The following CCT6A variants were observed in gnomAD, a reference collection of about 807,000 sequenced individuals.
CCT6A encodes the protein T-complex protein 1 subunit zeta.
Under a neutral mutation model 58.6 loss-of-function variants are expected in CCT6A, and 6 were observed. The observed-to-expected ratio is 0.10, with a 90% CI of 0.06 to 0.20. The LOEUF is 0.20. CCT6A is among the 10% of genes least tolerant of loss of function. CCT6A has a pLI of 1.00. For synonymous variants in CCT6A, 245 were observed against 227.8 expected (o/e 1.08, Z -0.68); for missense variants, 516 against 648.8 (o/e 0.80, Z 2.22).
chr7:56,062,664 A>T lies in CCT6A; in HGVS notation c.1451-19A>T. 6.2e-7 allele frequency: 1 copy of T among 1,608,604 alleles called. No homozygotes were observed. The highest frequency in any genetic ancestry group is 8.5e-7 in the Non-Finnish European group (1 of 1,174,950). The stretch of plus-strand genomic sequence containing the variant: ...GTTCTTACTGACTGAACTTATTTTA[A>T]GATTTGGTTGCCTTTTAGGTGAGCC... On this transcript the variant is annotated intron_variant, in intron 12 of 13. Transcript: ENST00000275603.
At chr7:56,057,384 G>C (rs1794331743) in intron 5 of CCT6A, among the ~76,000 whole-genome samples, 1 of 152,046 alleles carries the variant, frequency 6.6e-6, no homozygotes, top group Non-Finnish European at 1.5e-5. Context: ...GTGTGTCTGT[G>C]TGGAGAATGG....
At chr7:56,055,887 A>G (rs1794294408) in intron 4 of CCT6A, 90 bp downstream of exon 4, 10 of 950,998 alleles carry the variant, frequency 1.1e-5, no homozygotes, top group South Asian at 1.6e-5. Context: ...ACCAATTTCA[A>G]TTACAAGGTG....
rs754563267 is a variant in CCT6A at position 56,063,096 on chromosome 7, C to T, written c.*11C>T. The T allele has an allele frequency of 1.0e-5, 16 of 1,564,380 alleles. No individual in the cohort carries two copies. Among genetic ancestry groups the T allele is most frequent in the African/African-American group, 1.4e-5 (1 of 73,934 alleles). On this transcript the variant is annotated 3_prime_UTR_variant, in exon 14 of 14. Coordinates refer to ENST00000275603, the MANE Select transcript of CCT6A (RefSeq NM_001762.4). ...TCTCTGAAAGGTTGAATTGAAGCTT[C>T]CTCTGTATCTGAATCTTGAAGACTG...
Position 56,063,541 on chromosome 7 carries a change from A to T in CCT6A, c.*456A>T, listed in dbSNP as rs111518089. On this transcript the variant is annotated 3_prime_UTR_variant, in exon 14 of 14. Coordinates refer to ENST00000275603, the MANE Select transcript of CCT6A (RefSeq NM_001762.4). ...TATTGAAAGCATCCCTGTTGGTATA[A>T]ATTTCTGAGTAAATGCATTGGATCA... is the stretch of plus-strand genomic sequence containing the variant. 2 of 173,352 alleles carry T rather than the reference A, an allele frequency of 1.2e-5. No homozygotes were observed. The highest frequency in any genetic ancestry group is 3.5e-4 in the East Asian group (2 of 5,652). 10.7% of individuals were successfully genotyped at this position (173,352 alleles called of 1,614,324 possible).
chr7:56,052,317 C>G, intron 1 of CCT6A, 105 bp from the exon 2 acceptor site: 1 of 981,178 alleles, frequency 1.0e-6, no homozygotes, highest in African/African-American at 1.6e-5. Context: ...ATAACTAGCC[C>G]CACATCCCTG....
At chr7:56,061,661 CTTTTTTCTTTTTTTT>C (rs1320575372) in intron 11 of CCT6A, 71 bp from the exon 12 acceptor site, 5 of 591,390 alleles carry the variant, frequency 8.5e-6, no homozygotes, top group Non-Finnish European at 1.3e-5. Context: ...TTTTCTTTTT[CTTTTTTCTTTTTTTT>C]TTTTTTTTTT....
chr7:56,056,048 C>G (rs1005934927), intron 4 of CCT6A, among the ~76,000 whole-genome samples: 6 of 151,996 alleles, frequency 3.9e-5, no homozygotes, highest in Non-Finnish European at 5.9e-5. Context: ...TATTAGAAAG[C>G]TTCCAGTTAC....
chr7:56,058,230 A>T, intron 6 of CCT6A, 127 bp downstream of exon 6: 1 of 864,576 alleles, frequency 1.2e-6, no homozygotes, highest in East Asian at 2.6e-5. Flanking sequence ...GAGCTATAGG[A>T]AACAGTCTCT....
rs570561146 is a variant in CCT6A, at chr7:56,052,805, TTTTA to T, written c.201+321_201+324del. Among the ~76,000 whole-genome samples the T allele has an allele frequency of 1.7e-3, 39 of 23,314 alleles. 1 individual carries two copies. Among genetic ancestry groups the T allele is most frequent in the Admixed American group, 0.015 (38 of 2,502 alleles). The allele number at this position is 23,314 out of a possible 152,430, so 15.3% of individuals were successfully genotyped here. On this transcript the variant is annotated intron_variant, in intron 2 of 13. Transcript: ENST00000275603. Reference sequence around the variant, plus strand: ...TTTCTTTTCTTTTCTTTTTTTTTTTTTTTAATTAGACGAAGTCTCGCTCTGTCGA... The same window carrying T: ...TTTCTTTTCTTTTCTTTTTTTTTTTTATTAGACGAAGTCTCGCTCTGTCGA...
chr7:56,058,188 G>C (rs1463980205), intron 6 of CCT6A, 85 bp downstream of exon 6: 1 of 954,426 alleles, frequency 1.0e-6, no homozygotes. Context: ...GTTTCCCACT[G>C]TAAGGACAAT....
At chr7:56,053,627 G>A (rs1226857315) in intron 2 of CCT6A, among the ~76,000 whole-genome samples, 1 of 152,048 alleles carries the variant, frequency 6.6e-6, no homozygotes, top group Non-Finnish European at 1.5e-5. Flanking sequence ...GGTCCTGCAC[G>A]CCTGTAGTCC....
At position 56,056,552 on chromosome 7, in the gene CCT6A, G is replaced by A. The variant is rs533141078; in HGVS notation, c.614+138G>A. 91 of 577,652 alleles carry A rather than the reference G, an allele frequency of 1.6e-4. 1 individual carries two copies. The highest frequency in any genetic ancestry group is 3.1e-4 in the Admixed American group (10 of 32,310). 35.8% of individuals were successfully genotyped at this position (577,652 alleles called of 1,614,324 possible). A position where few individuals can be genotyped will look rare whatever the true frequency, so the allele number is the denominator to read the frequency against. ...AGCCTGGCCAACATGGGGAAACCCC[G>A]TCTCTATTAAAATTACAAAAATTAA... On this transcript the variant is annotated intron_variant, in intron 5 of 13. Coordinates refer to ENST00000275603, the MANE Select transcript of CCT6A (RefSeq NM_001762.4).
intron 5 of CCT6A, 130 bp downstream of exon 5, chr7:56,056,544 GAAACCCCGTCTCTA>G: frequency 1.6e-6 from 1 of 613,432 alleles, no homozygotes; most frequent in Non-Finnish European, 3.0e-6. Context: ...CCAACATGGG[GAAACCCCGTCTCTA>G]TTAAAATTAC....
chr7:56,056,833 C>T (rs1287774501), intron 5 of CCT6A, among the ~76,000 whole-genome samples: 2 of 146,130 alleles, frequency 1.4e-5, no homozygotes, highest in East Asian at 2.0e-4. Context: ...CTTGCTCTGT[C>T]GCCCAGCCTG....
Position 56,058,420 on chromosome 7 carries a change from G to A in CCT6A, c.784G>A (p.Ala262Thr), listed in dbSNP as rs1247334235. Residue 262 changes from alanine (A) to threonine (T), a missense_variant, in exon 7 of 14, where the codon GCT (alanine) becomes ACT (threonine). Ala to Thr is a moderately conservative substitution (Grantham distance 58). This residue lies in a region of CCT6A where 315 missense variants were observed against 389.4 expected (regional missense o/e 0.81). Coordinates refer to ENST00000275603, the MANE Select transcript of CCT6A (RefSeq NM_001762.4). Reference sequence around the variant, plus strand: ...AGAAGAGAGAGAAAAACTCGTGAAAGCTGAAAGAAAATTCATTGAAGATAG... The same window carrying A: ...AGAAGAGAGAGAAAAACTCGTGAAAACTGAAAGAAAATTCATTGAAGATAG... ...SAEEREKLVKAERKFIEDRVK... is the reference protein window; with the variant it reads ...SAEEREKLVKTERKFIEDRVK... 6.2e-7 allele frequency: 1 copy of A among 1,604,762 alleles called. No individual in the cohort carries two copies. The highest frequency in any genetic ancestry group is 1.1e-5 in the South Asian group (1 of 88,750).
intron 10 of CCT6A, 58 bp from the exon 11 acceptor site, chr7:56,060,749 T>C: frequency 6.5e-7 from 1 of 1,548,476 alleles, no homozygotes; most frequent in Admixed American, 1.9e-5. Context: ...GTATATTTTG[T>C]TATTCATAAT....
chr7:56,057,769 T>C (rs1402593467), intron 5 of CCT6A, among the ~76,000 whole-genome samples: 1 of 152,134 alleles, frequency 6.6e-6, no homozygotes, highest in Admixed American at 6.6e-5. Context: ...TAGTCCCAGC[T>C]GCTTGAGAGG....
chr7:56,054,276 TAG>T, intron 2 of CCT6A, 91 bp from the exon 3 acceptor site: 1 of 1,030,828 alleles, frequency 9.7e-7, no homozygotes. Flanking sequence ...TTCAAGTAGA[TAG>T]CACTCAAAGA....
Position 56,051,924 on chromosome 7 carries a change from G to A in CCT6A, c.76G>A (p.Ala26Thr). Residue 26 changes from alanine (A) to threonine (T), a missense_variant, in exon 1 of 14, where the codon GCA (alanine) becomes ACA (threonine). Physicochemically the swap from Ala to Thr is moderately conservative, Grantham distance 58 (BLOSUM62 0). Transcript: ENST00000275603. ...GGCGGCGCTGGCGGTCAACATCAGCGCAGCGCGGGGTCTGCAGGACGTGCT... is the reference window on the plus strand; with the variant it reads ...GGCGGCGCTGGCGGTCAACATCAGCACAGCGCGGGGTCTGCAGGACGTGCT... ...AQAALAVNIS[A>T]ARGLQDVLRT... is the part of the protein sequence containing the mutation. 6.4e-7 allele frequency: 1 copy of A among 1,550,780 alleles called. No individual in the cohort carries two copies. The highest frequency in any genetic ancestry group is 8.7e-7 in the Non-Finnish European group (1 of 1,147,140).
Sources: gnomAD v4.1 joint callset for allele counts (sites outside exome capture counted in the v4.1 genomes callset) on GRCh38, gnomAD v4.1.1 for gene constraint, gnomAD v4.1.1 regional missense constraint, MANE v1.5 for transcripts, NCBI Gene and HGNC (gene_info 2026-07-23, HGNC 2026-07-21) for gene names.